The following NTRK3 variants were observed in gnomAD, a reference collection of about 807,000 sequenced individuals.
The protein encoded by NTRK3 is neurotrophic receptor tyrosine kinase 3.
A neutral mutation model predicts 91.7 loss-of-function variants in NTRK3; 24 were observed. That is an observed-to-expected ratio of 0.26 (90% CI 0.19 to 0.37). NTRK3 has a LOEUF of 0.37. NTRK3 is among the 10% of genes least tolerant of loss of function. NTRK3 has a pLI of 1.00. For missense variants in NTRK3, 880 were observed against 1,068.9 expected (o/e 0.82, Z 2.46); for synonymous variants, 483 against 404.0 (o/e 1.20, Z -2.34).
rs139845197 is a variant in NTRK3, at chr15:87,965,107, C to T, written c.1586-24354G>A. 6.7e-3 allele frequency among the ~76,000 whole-genome samples: 1,017 copies of T among 152,202 alleles called. 10 individuals carry two copies. Among genetic ancestry groups the T allele is most frequent in the African/African-American group, 0.023 (951 of 41,522 alleles). ...AAAGTAATGTGTATGTGCATGTGCACGTGGAATGATTTGATTCTGACAAAT... is the reference window on the plus strand; with the variant it reads ...AAAGTAATGTGTATGTGCATGTGCATGTGGAATGATTTGATTCTGACAAAT... On this transcript the variant is annotated intron_variant, in intron 14 of 18. Transcript: ENST00000394480.
At chr15:88,077,393 A>C (rs1219217271) in intron 13 of NTRK3, among the ~76,000 whole-genome samples, 2 of 152,062 alleles carry the variant, frequency 1.3e-5, no homozygotes, top group Non-Finnish European at 2.9e-5. Context: ...TACGTAGCCA[A>C]CATTTTCCAG....
intron 13 of NTRK3, among the ~76,000 whole-genome samples, chr15:88,109,426 T>C (rs1251321249): frequency 1.3e-5 from 2 of 152,188 alleles, no homozygotes; most frequent in East Asian, 1.9e-4. Context: ...TCGTCCTTCC[T>C]GAAGCTCCTA....
chr15:88,211,203 C>T (rs1342091919), intron 3 of NTRK3, among the ~76,000 whole-genome samples: 1 of 152,214 alleles, frequency 6.6e-6, no homozygotes, highest in Non-Finnish European at 1.5e-5. Flanking sequence ...TTTCCCCAGT[C>T]CCTGGCAACT....
intron 3 of NTRK3, among the ~76,000 whole-genome samples, chr15:88,202,822 A>G (rs1421757022): frequency 6.6e-6 from 1 of 152,190 alleles, no homozygotes; most frequent in Non-Finnish European, 1.5e-5. Flanking sequence ...AACTAACAAG[A>G]CCAAAGACCA....
At chr15:87,995,180 G>A (rs946069500) in intron 14 of NTRK3, among the ~76,000 whole-genome samples, 2 of 152,150 alleles carry the variant, frequency 1.3e-5, no homozygotes, top group African/African-American at 2.4e-5. Flanking sequence ...GGAGCCCAGA[G>A]AGCACCTGCT....
chr15:87,885,755 CAAT>C lies in NTRK3; in HGVS notation c.2134-5330_2134-5328del, dbSNP rs1202831173. The C allele has an allele frequency of 8.8e-7, 1 of 1,135,952 alleles. No homozygotes were observed. Among genetic ancestry groups the C allele is most frequent in the Admixed American group, 3.6e-5 (1 of 27,792 alleles). 70.4% of individuals were successfully genotyped at this position (1,135,952 alleles called of 1,614,324 possible). A position where few individuals can be genotyped will look rare whatever the true frequency, so the allele number is the denominator to read the frequency against. On this transcript the variant is annotated intron_variant, in intron 17 of 18. Transcript: ENST00000394480. ...AAAGAGCTAAACATAAAAAACAAAA[CAAT>C]AATAATATTAGAAGAAAACTTAGAA...
chr15:88,113,850 A>G (rs952667342), intron 13 of NTRK3, among the ~76,000 whole-genome samples: 1 of 116,506 alleles, frequency 8.6e-6, no homozygotes, highest in Non-Finnish European at 1.9e-5. Context: ...TCTTTTATGA[A>G]AAAGTTGGCA....
chr15:87,971,866 T>C lies in NTRK3; in HGVS notation c.1586-31113A>G, dbSNP rs369323234. ...TTTAAGAGAAGTGCGTTTTTGAAGGTCAGGATTTCATGACTTTTGACCAAA... is the reference window on the plus strand; with the variant it reads ...TTTAAGAGAAGTGCGTTTTTGAAGGCCAGGATTTCATGACTTTTGACCAAA... On this transcript the variant is annotated intron_variant, in intron 14 of 18. Transcript: ENST00000394480. Among the ~76,000 whole-genome samples the C allele has an allele frequency of 2.2e-4, 33 of 152,314 alleles. 1 individual carries two copies. The highest frequency in any genetic ancestry group is 7.9e-4 in the African/African-American group (33 of 41,582).
chr15:87,979,319 AAAAC>A (rs777429824), intron 14 of NTRK3: 75 of 1,527,928 alleles, frequency 4.9e-5, no homozygotes, highest in Non-Finnish European at 9.1e-6. Context: ...AGGTGACATC[AAAAC>A]AAGGAGGCTT....
intron 13 of NTRK3, among the ~76,000 whole-genome samples, chr15:88,113,153 G>C (rs1481942062): frequency 1.3e-5 from 2 of 152,100 alleles, no homozygotes; most frequent in African/African-American, 4.8e-5. Context: ...TGGCCTTGTT[G>C]GTATAGCTAC....
At chr15:88,128,885 G>A (rs939527020) in intron 10 of NTRK3, 151 bp from the exon 11 acceptor site, 180 of 734,588 alleles carry the variant, frequency 2.5e-4, no homozygotes, top group Non-Finnish European at 1.4e-4. Context: ...CACATCACCC[G>A]TCTCCCCATG....
intron 13 of NTRK3, among the ~76,000 whole-genome samples, chr15:88,059,539 T>A (rs534686040): frequency 3.3e-5 from 5 of 152,238 alleles, no homozygotes; most frequent in Non-Finnish European, 7.4e-5. Context: ...CATATTCCAC[T>A]CTGTGCACAG....
At chr15:87,969,310 G>T (rs535245724) in intron 14 of NTRK3, among the ~76,000 whole-genome samples, 1 of 152,326 alleles carries the variant, frequency 6.6e-6, no homozygotes, top group East Asian at 1.9e-4. Flanking sequence ...GTGTGCCAGA[G>T]TCCCTTTAAG....
At chr15:88,024,535 T>C (rs573251731) in intron 14 of NTRK3, among the ~76,000 whole-genome samples, 1 of 151,202 alleles carries the variant, frequency 6.6e-6, no homozygotes, top group Non-Finnish European at 1.5e-5. Flanking sequence ...GTCATGAGAG[T>C]GAGGGGCCAA....
intron 3 of NTRK3, among the ~76,000 whole-genome samples, chr15:88,248,760 T>C (rs2141986798): frequency 6.6e-6 from 1 of 152,324 alleles, no homozygotes; most frequent in Non-Finnish European, 1.5e-5. Context: ...CAATGAGGTA[T>C]TAGCCTTAGA....
rs922911365 is a variant in NTRK3, at chr15:88,110,304, G to A, written c.1396+15967C>T. Among the ~76,000 whole-genome samples the A allele has an allele frequency of 5.5e-4, 84 of 152,316 alleles. 1 individual carries two copies. Among genetic ancestry groups the A allele is most frequent in the Middle Eastern group, 3.4e-3 (1 of 294 alleles). On this transcript the variant is annotated intron_variant, in intron 13 of 18. Coordinates refer to ENST00000394480, the Ensembl canonical transcript of NTRK3. ...TAGGAAAAGGCAGGTCAGACCTAGCGTCTTCCTGTCTGCAGGCACCGTGGG... is the reference window on the plus strand; with the variant it reads ...TAGGAAAAGGCAGGTCAGACCTAGCATCTTCCTGTCTGCAGGCACCGTGGG...
chr15:88,056,317 T>C (rs1261477438), intron 13 of NTRK3, among the ~76,000 whole-genome samples: 3 of 151,554 alleles, frequency 2.0e-5, no homozygotes, highest in Non-Finnish European at 4.4e-5. Context: ...TGCAGAGTGA[T>C]GGGCTTTAAA....
chr15:87,981,681 C>T (rs1404052985), intron 14 of NTRK3, among the ~76,000 whole-genome samples: 1 of 152,218 alleles, frequency 6.6e-6, no homozygotes, highest in Non-Finnish European at 1.5e-5. Context: ...ACCAGAATGT[C>T]TCAAAATGGT....
intron 5 of NTRK3, among the ~76,000 whole-genome samples, chr15:88,148,448 CAG>C (rs2043080466): frequency 1.3e-5 from 2 of 152,030 alleles, no homozygotes; most frequent in African/African-American, 4.8e-5. Context: ...GCGGAGGGCT[CAG>C]AGAGAGGTGC....
Sources: allele counts gnomAD v4.1 joint callset (sites outside exome capture counted in the v4.1 genomes callset), GRCh38; gene constraint gnomAD v4.1.1; transcripts MANE v1.5; gene names NCBI Gene and HGNC (gene_info 2026-07-23, HGNC 2026-07-21).